The following LYST variants were observed in gnomAD, a reference collection of about 807,000 sequenced individuals.
LYST encodes lysosomal-trafficking regulator.
Under a neutral mutation model 413.6 loss-of-function variants are expected in LYST, and 192 were observed. The observed-to-expected ratio is 0.46, with a 90% CI of 0.41 to 0.52. The LOEUF is 0.52. LYST is among the 20% of genes least tolerant of loss of function. LYST has a pLI of 0.00. For synonymous variants in LYST, 1,525 were observed against 1,567.3 expected (o/e 0.97, Z 0.64); for missense variants, 3,815 against 4,499.9 (o/e 0.85, Z 4.35).
Position 235,746,526 on chromosome 1 carries a change from AC to A in LYST, c.7781del (p.Gly2594ValfsTer14). ...TTTGAGCAAGGGGAAATTTTCGAGG[AC>A]CTTTAAAAGTATATAAATTAAAACA... is the stretch of plus-strand genomic sequence containing the variant. Reference protein sequence around the residue: ...AVVQKRKSIAGPRKFPLAQTE... With the variant: ...AVVQKRKSIAXPRKFPLAQTE... On this transcript the variant is annotated frameshift_variant and splice_region_variant, in exon 29 of 53. Transcript: ENST00000389793. LOFTEE classifies it high-confidence loss of function. 1 of 1,609,536 alleles carries A rather than the reference AC, an allele frequency of 6.2e-7. No individual in the cohort carries two copies. Among genetic ancestry groups the A allele is most frequent in the Non-Finnish European group, 8.5e-7 (1 of 1,176,434 alleles).
At chr1:235,726,429 A>G (rs941528532) in intron 38 of LYST, among the ~76,000 whole-genome samples, 3 of 152,186 alleles carry the variant, frequency 2.0e-5, no homozygotes, top group African/African-American at 7.2e-5. Context: ...TAGTTTCAAC[A>G]TTCATTCAAC....
At chr1:235,869,095 A>G (rs1490450336), upstream of LYST, among the ~76,000 whole-genome samples, 1 of 152,256 alleles carries the variant, frequency 6.6e-6, no homozygotes, top group Non-Finnish European at 1.5e-5. Context: ...AACTTAGTTT[A>G]AAAGATTTCC....
intron 25 of LYST, 90 bp downstream of exon 25, chr1:235,755,388 C>CAGAAG: frequency 1.2e-6 from 1 of 866,432 alleles, no homozygotes; most frequent in Non-Finnish European, 1.8e-6. Flanking sequence ...GACTCCGTCT[C>CAGAAG]AAAAGAAAAG....
At chr1:235,803,092 T>C in intron 7 of LYST, 28 bp from the exon 8 acceptor site, 4 of 1,583,824 alleles carry the variant, frequency 2.5e-6, no homozygotes, top group Non-Finnish European at 3.5e-6. Flanking sequence ...TCAAAGGTTG[T>C]AACATTTGCT....
chr1:235,771,817 T>C (rs1380557147), intron 19 of LYST, among the ~76,000 whole-genome samples: 3 of 151,916 alleles, frequency 2.0e-5, no homozygotes, highest in African/African-American at 7.3e-5. Flanking sequence ...AATTTTGTAA[T>C]ATAATTTTCT....
At chr1:235,877,563 C>T (rs950842274) in intron 1 of LYST, among the ~76,000 whole-genome samples, 1 of 152,108 alleles carries the variant, frequency 6.6e-6, no homozygotes, top group African/African-American at 2.4e-5. Context: ...TGCACCACCA[C>T]ATCCGGCTAA....
chr1:235,694,013 T>C (rs1373564777), intron 46 of LYST, among the ~76,000 whole-genome samples: 1 of 146,230 alleles, frequency 6.8e-6, no homozygotes, highest in Admixed American at 6.8e-5. Context: ...TTCTTCTTCT[T>C]TTTTTTTTTT....
intron 50 of LYST, among the ~76,000 whole-genome samples, chr1:235,676,570 T>G (rs1050878736): frequency 6.6e-6 from 1 of 152,238 alleles, no homozygotes; most frequent in African/African-American, 2.4e-5. Flanking sequence ...TTGTTTCTGC[T>G]TTCTTCAGCT....
intron 28 of LYST, among the ~76,000 whole-genome samples, chr1:235,747,911 A>G (rs927575170): frequency 1.2e-4 from 19 of 152,214 alleles, no homozygotes; most frequent in African/African-American, 4.6e-4. Flanking sequence ...ACTATCTAAC[A>G]TTATATTAAA....
intron 31 of LYST, 71 bp from the exon 32 acceptor site, chr1:235,734,730 TTAAA>T: frequency 2.1e-6 from 2 of 956,226 alleles, no homozygotes; most frequent in Non-Finnish European, 3.2e-6. Flanking sequence ...TTAGTAGTAA[TTAAA>T]TTATATTGCT....
chr1:235,765,939 A>G (rs929728617), intron 21 of LYST, 140 bp downstream of exon 21: 30 of 746,312 alleles, frequency 4.0e-5, no homozygotes, highest in Admixed American at 3.7e-4. Context: ...TTCATTCTAT[A>G]ACTCTCTGCC....
Position 235,759,378 on chromosome 1 carries a change from C to T in LYST, c.6475G>A (p.Gly2159Ser), listed in dbSNP as rs779154700. 6.2e-7 allele frequency: 1 copy of T among 1,614,100 alleles called. No homozygotes were observed. The highest frequency in any genetic ancestry group is 8.5e-7 in the Non-Finnish European group (1 of 1,179,998). ...CTACTGATGAATGCGTCCTCTTTGC[C>T]TTTTTTCAGTGTGTCGGAACTCCCC... Reference protein sequence around the residue: ...SLGSSDTLKKGKEDAFISSCE... With the variant: ...SLGSSDTLKKSKEDAFISSCE... The change falls in exon 23 of 53, where the codon GGC becomes AGC. Residue 2159 changes from glycine to serine, a missense_variant. Coordinates refer to ENST00000389793, the MANE Select transcript of LYST (RefSeq NM_000081.4).
At position 235,798,578 on chromosome 1, in the gene LYST, TAAAAAAAAA is replaced by T. The variant is rs71174462; in HGVS notation, c.4006+1733_4006+1741del. Among the ~76,000 whole-genome samples, 299 of 81,682 alleles carry T rather than the reference TAAAAAAAAA, an allele frequency of 3.7e-3. 9 individuals carry two copies. Among genetic ancestry groups the T allele is most frequent in the African/African-American group, 0.012 (269 of 22,070 alleles). 53.6% of individuals were successfully genotyped at this position (81,682 alleles called of 152,430 possible). Reference sequence around the variant, plus strand: ...TGGCGACAAGGGCAAAACCCTGTCATAAAAAAAAAAAAAAAAAAAAAAAAAAAAAAAAAA... The same window carrying T: ...TGGCGACAAGGGCAAAACCCTGTCATAAAAAAAAAAAAAAAAAAAAAAAAA... On this transcript the variant is annotated intron_variant, in intron 10 of 52. Coordinates refer to ENST00000389793, the MANE Select transcript of LYST (RefSeq NM_000081.4).
upstream of LYST, among the ~76,000 whole-genome samples, chr1:235,871,333 C>T (rs896432052): frequency 6.6e-6 from 1 of 152,130 alleles, no homozygotes; most frequent in African/African-American, 2.4e-5. Context: ...GAATAAAGGC[C>T]GGATAAAAGC....
At chr1:235,865,524 A>G (rs1680413790) in intron 1 of LYST, among the ~76,000 whole-genome samples, 1 of 152,180 alleles carries the variant, frequency 6.6e-6, no homozygotes, top group African/African-American at 2.4e-5. Flanking sequence ...ATAATTATAT[A>G]GTTTGTGAAG....
chr1:235,748,497 GA>G (rs1558184806), intron 28 of LYST, among the ~76,000 whole-genome samples: 1 of 151,864 alleles, frequency 6.6e-6, no homozygotes, highest in Non-Finnish European at 1.5e-5. Context: ...TCTTAATATG[GA>G]AAAATATCTA....
chr1:235,738,460 C>G, intron 31 of LYST: 1 of 1,612,694 alleles, frequency 6.2e-7, no homozygotes, highest in Non-Finnish European at 8.5e-7. Context: ...AATGGCTTTC[C>G]CAAAAACCAT....
At chr1:235,689,584 TG>T (rs1249505279) in intron 47 of LYST, among the ~76,000 whole-genome samples, 2 of 151,878 alleles carry the variant, frequency 1.3e-5, no homozygotes, top group African/African-American at 2.4e-5. Flanking sequence ...ACGTAGAGGA[TG>T]GTGACTACTG....
intron 47 of LYST, among the ~76,000 whole-genome samples, chr1:235,693,078 G>A (rs1013366878): frequency 6.6e-6 from 1 of 152,224 alleles, no homozygotes; most frequent in East Asian, 1.9e-4. Flanking sequence ...CACTTTGGGA[G>A]GCCAAGGCGG....
Sources: allele counts gnomAD v4.1 joint callset (sites outside exome capture counted in the v4.1 genomes callset), GRCh38; gene constraint gnomAD v4.1.1; transcripts MANE v1.5; gene names NCBI Gene and HGNC (gene_info 2026-07-23, HGNC 2026-07-21).